ROBO2: variants seen among roughly 807,000 people sequenced by gnomAD.
ROBO2 encodes roundabout homolog 2.
A neutral mutation model predicts 160.8 loss-of-function variants in ROBO2; 53 were observed. The observed-to-expected ratio is 0.33, with a 90% confidence interval of 0.26 to 0.41. The LOEUF (loss-of-function observed/expected upper bound fraction) is 0.41, where lower values mean the gene tolerates loss of function less well. ROBO2 is among the 10% of genes least tolerant of loss of function. The probability of loss-of-function intolerance (pLI) is 1.00; values close to 1 mark genes in which losing one functional copy is unlikely to be tolerated. For synonymous variants in ROBO2, 664 were observed against 611.7 expected (o/e 1.09, Z -1.26); for missense variants, 1,577 against 1,722.4 (o/e 0.92, Z 1.49).
chr3:76,519,475 T>C (rs1318683034), intron 2 of ROBO2, among the ~76,000 whole-genome samples: 2 of 152,242 alleles, frequency 1.3e-5, no homozygotes, highest in African/African-American at 4.8e-5. Flanking sequence ...CCAAACTCTC[T>C]GTCTGCAATT....
intron 2 of ROBO2, among the ~76,000 whole-genome samples, chr3:76,994,751 A>G (rs2149387891): frequency 6.6e-6 from 1 of 152,288 alleles, no homozygotes; most frequent in South Asian, 2.1e-4. Flanking sequence ...TCCTGGAAAA[A>G]TGTATGTTAA....
chr3:76,319,038 A>C (rs2072286162), intron 2 of ROBO2, among the ~76,000 whole-genome samples: 1 of 152,122 alleles, frequency 6.6e-6, no homozygotes, highest in African/African-American at 2.4e-5. Flanking sequence ...TCTTCTAAAA[A>C]GGAAAGAAAA....
intron 2 of ROBO2, among the ~76,000 whole-genome samples, chr3:75,943,223 G>A (rs1986216): frequency 0.43 from 64,545 of 151,768 alleles, 14,993 homozygotes; most frequent in South Asian, 0.65. Context: ...TATTTGGATG[G>A]CATTAATTCA....
At chr3:77,185,257 A>G (rs1420306140) in intron 2 of ROBO2, among the ~76,000 whole-genome samples, 2 of 151,974 alleles carry the variant, frequency 1.3e-5, no homozygotes, top group African/African-American at 4.8e-5. Flanking sequence ...ATTCAGATAT[A>G]GATAAAGTGG....
chr3:76,405,634 A>T (rs1279931288), intron 2 of ROBO2, among the ~76,000 whole-genome samples: 1 of 151,760 alleles, frequency 6.6e-6, no homozygotes, highest in Non-Finnish European at 1.5e-5. Context: ...AATTATCATT[A>T]AGAACTAAGG....
chr3:76,111,597 GC>G (rs1399087659), intron 2 of ROBO2, among the ~76,000 whole-genome samples: 1 of 152,082 alleles, frequency 6.6e-6, no homozygotes, highest in East Asian at 1.9e-4. Flanking sequence ...CACAGGAAAA[GC>G]CCCCTTTGAA....
intron 2 of ROBO2, among the ~76,000 whole-genome samples, chr3:77,218,523 C>T (rs2085286525): frequency 6.6e-6 from 1 of 152,160 alleles, no homozygotes; most frequent in South Asian, 2.1e-4. Flanking sequence ...CAGGCACCCA[C>T]AAGCATGCCT....
chr3:76,807,367 A>G (rs1286849107), intron 2 of ROBO2, among the ~76,000 whole-genome samples: 1 of 152,028 alleles, frequency 6.6e-6, no homozygotes, highest in East Asian at 1.9e-4. Flanking sequence ...TAACCTATAC[A>G]AATATCTCTT....
chr3:76,407,407 T>A (rs775245570), intron 2 of ROBO2, among the ~76,000 whole-genome samples: 31 of 152,014 alleles, frequency 2.0e-4, no homozygotes, highest in Non-Finnish European at 4.1e-4. Flanking sequence ...GTCACTGTTA[T>A]GTTTTTAATT....
At chr3:76,693,563 A>G (rs2092860569) in intron 2 of ROBO2, among the ~76,000 whole-genome samples, 1 of 151,976 alleles carries the variant, frequency 6.6e-6, no homozygotes, top group Non-Finnish European at 1.5e-5. Context: ...TTGGAGGCGG[A>G]GAAGTCCCAT....
chr3:76,336,899 TA>T (rs2073928532), intron 2 of ROBO2, among the ~76,000 whole-genome samples: 1 of 152,164 alleles, frequency 6.6e-6, no homozygotes, highest in African/African-American at 2.4e-5. Context: ...GTCAATTAGG[TA>T]AAATATGATT....
intron 2 of ROBO2, among the ~76,000 whole-genome samples, chr3:76,703,290 T>A (rs944587618): frequency 5.3e-5 from 8 of 152,128 alleles, no homozygotes; most frequent in African/African-American, 1.9e-4. Context: ...TCTTACACTC[T>A]CTATTGTAAA....
At position 76,018,905 on chromosome 3, in the gene ROBO2, G is replaced by T. The variant is rs1015990020; in HGVS notation, c.109+81303G>T. On this transcript the variant is annotated intron_variant, in intron 2 of 26. Coordinates refer to the ROBO2 transcript ENST00000487694. Reference sequence around the variant, plus strand: ...GCATTATGGCCTCCCCACATGGTTCGGTTTTCTCTGAAGTTCTGTGCATAT... The same window carrying T: ...GCATTATGGCCTCCCCACATGGTTCTGTTTTCTCTGAAGTTCTGTGCATAT... Among the ~76,000 whole-genome samples the T allele has an allele frequency of 2.0e-5, 3 of 150,770 alleles. 1 individual carries two copies. Among genetic ancestry groups the T allele is most frequent in the Admixed American group, 1.3e-4 (2 of 15,136 alleles).
intron 2 of ROBO2, among the ~76,000 whole-genome samples, chr3:76,416,425 T>G (rs73840980): frequency 0.026 from 4,013 of 151,870 alleles, 156 homozygotes; most frequent in African/African-American, 0.083. Flanking sequence ...TGTGTGTGTG[T>G]GGGGGGGAAA....
intron 6 of ROBO2, among the ~76,000 whole-genome samples, chr3:77,531,481 G>A (rs1226409711): frequency 6.6e-6 from 1 of 151,008 alleles, no homozygotes; most frequent in Non-Finnish European, 1.5e-5. Context: ...ATGAGTCGAA[G>A]CAAAGTTTTG....
At chr3:76,385,623 A>C (rs539834536) in intron 2 of ROBO2, among the ~76,000 whole-genome samples, 5 of 152,380 alleles carry the variant, frequency 3.3e-5, no homozygotes, top group Admixed American at 3.3e-4. Context: ...CATAATTATT[A>C]AACTCAGGCA....
chr3:77,600,982 C>T (rs941624316), intron 19 of ROBO2, among the ~76,000 whole-genome samples: 4 of 152,036 alleles, frequency 2.6e-5, no homozygotes, highest in Admixed American at 2.6e-4. Flanking sequence ...AGTACATATC[C>T]GCTCAGCTGT....
intron 4 of ROBO2, among the ~76,000 whole-genome samples, chr3:77,483,417 G>A (rs1340293096): frequency 6.6e-6 from 1 of 151,652 alleles, no homozygotes; most frequent in Non-Finnish European, 1.5e-5. Flanking sequence ...ATTTTATGCT[G>A]GTGCTCCTAC....
At chr3:77,511,923 A>G (rs539822680) in intron 5 of ROBO2, among the ~76,000 whole-genome samples, 27 of 152,008 alleles carry the variant, frequency 1.8e-4, no homozygotes, top group Admixed American at 1.7e-3. Flanking sequence ...TTAAAAGGGT[A>G]TCCGTCTCTC....
Sources: allele counts gnomAD v4.1 joint callset (sites outside exome capture counted in the v4.1 genomes callset), GRCh38; gene constraint gnomAD v4.1.1; transcripts MANE v1.5; gene names NCBI Gene and HGNC (gene_info 2026-07-23, HGNC 2026-07-21).